Variants in PIDD1 observed in about 807,000 individuals in gnomAD.
PIDD1 encodes p53-induced death domain-containing protein 1.
A neutral mutation model predicts 80.0 loss-of-function variants in PIDD1; 72 were observed. The observed-to-expected ratio is 0.90, with a 90% CI of 0.74 to 1.09. The LOEUF is 1.09. Ranked by LOEUF, PIDD1 falls within the 50% of genes least tolerant of loss-of-function variation. PIDD1 has a pLI of 0.00. For synonymous variants in PIDD1, 655 were observed against 543.5 expected, an observed-to-expected ratio of 1.21 and a Z score of -2.85; for missense variants, 1,329 against 1,228.3, an observed-to-expected ratio of 1.08 and a Z score of -1.23.
intron 15 of PIDD1, 52 bp from the exon 16 acceptor site, chr11:799,617 C>T: frequency 2.0e-6 from 3 of 1,528,526 alleles, no homozygotes; most frequent in Non-Finnish European, 2.6e-6. Flanking sequence ...GCCCAGGACC[C>T]CCCACCACAC....
Position 801,632 on chromosome 11 carries a change from G to GA in PIDD1, c.1303-9_1303-8insT. On this transcript the variant is annotated splice_polypyrimidine_tract_variant and intron_variant, in intron 7 of 15. Transcript: ENST00000347755. ...GCAGTGAGCCCAGAGCCGCTGGGAT[G>GA]GGGGAGAGAGGAGGTCACAGGAGCC... is the stretch of plus-strand genomic sequence containing the variant. 1 of 1,439,462 alleles carries GA rather than the reference G, an allele frequency of 6.9e-7. No individual in the cohort carries two copies. The highest frequency in any genetic ancestry group is 1.2e-5 in the South Asian group (1 of 81,376). The allele number at this position is 1,439,462 out of a possible 1,614,324, so 89.2% of individuals were successfully genotyped here. A position where few individuals can be genotyped will look rare whatever the true frequency, so the allele number is the denominator to read the frequency against.
intron 3 of PIDD1, 89 bp downstream of exon 3, chr11:803,085 C>T: frequency 2.8e-6 from 3 of 1,080,658 alleles, no homozygotes; most frequent in Non-Finnish European, 2.7e-6. Flanking sequence ...GTGGACCAAG[C>T]CTGTGGGTGC....
At position 799,898 on chromosome 11, in the gene PIDD1, C is replaced by T; in HGVS notation, c.2391G>A (p.Gly797=). ...LTQSNLLSVA[G]RLGLDWPAVA... is the part of the protein sequence containing the mutation. ...CGGCTGGCCAGTCCAGACCCAGACG[C>T]CCAGCCACACTCAGCAGGTTGCTCT... The change falls in exon 15 of 16, where the codon GGG becomes GGA. Residue 797 remains glycine, a synonymous_variant. Coordinates refer to ENST00000347755, the MANE Select transcript of PIDD1 (RefSeq NM_145886.4). The T allele has an allele frequency of 6.2e-7, 1 of 1,612,378 alleles. No individual in the cohort carries two copies. Among genetic ancestry groups the T allele is most frequent in the South Asian group, 1.1e-5 (1 of 91,070 alleles).
rs1865001418 is a variant in PIDD1 at position 799,276 on chromosome 11, A to G, written c.*31T>C. 5 of 1,541,054 alleles carry G rather than the reference A, an allele frequency of 3.2e-6. No homozygotes were observed. The highest frequency in any genetic ancestry group is 4.4e-6 in the Non-Finnish European group (5 of 1,145,262). On this transcript the variant is annotated 3_prime_UTR_variant, in exon 16 of 16. Coordinates refer to ENST00000347755, the MANE Select transcript of PIDD1 (RefSeq NM_145886.4). The stretch of plus-strand genomic sequence containing the variant: ...GGGGGCTCTGCCCATCCACTGGGGA[A>G]TATCTGGGCCAGCCTAAAAGTCTGT...
intron 15 of PIDD1, 88 bp from the exon 16 acceptor site, chr11:799,653 C>A (rs1205028224): frequency 6.8e-7 from 1 of 1,462,902 alleles, no homozygotes; most frequent in African/African-American, 1.4e-5. Flanking sequence ...GGGGGAGTTC[C>A]CGGCTCCTGG....
upstream of PIDD1, chr11:809,342 C>G (rs1865937011): frequency 6.6e-6 from 1 of 152,288 alleles, no homozygotes; most frequent in South Asian, 2.1e-4. Context: ...ACAGGATGCC[C>G]TGACACCGCA....
chr11:803,633 G>A (rs771553135), intron 2 of PIDD1, 46 bp from the exon 3 acceptor site: 44 of 1,560,542 alleles, frequency 2.8e-5, no homozygotes, highest in Non-Finnish European at 3.7e-5. Flanking sequence ...CAGGGTCCGA[G>A]GTCCCAGATC....
chr11:806,582 C>CT (rs367814833), upstream of PIDD1, among the ~76,000 whole-genome samples: 932 of 144,002 alleles, frequency 6.5e-3, 4 homozygotes, highest in Admixed American at 0.013. Context: ...CTGGAGGGAT[C>CT]TTTTTTTTTT....
At position 804,170 on chromosome 11, in the gene PIDD1, C is replaced by T. The variant is rs1262230005; in HGVS notation, c.219G>A (p.Glu73=). The change falls in exon 2 of 16, where the codon GAG becomes GAA. Residue 73 remains glutamate (E), a synonymous_variant. Transcript: ENST00000347755. ...QVEFLRLSTH[E]DPQLLEATLA... is the part of the protein sequence containing the mutation. ...GGGTGGCCTCCAGCAGCTGAGGGTC[C>T]TCGTGAGTGCTCAGACGCAAGAATT... is the stretch of plus-strand genomic sequence containing the variant. 1 of 1,613,370 alleles carries T rather than the reference C, an allele frequency of 6.2e-7. No individual in the cohort carries two copies. Among genetic ancestry groups the T allele is most frequent in the South Asian group, 1.1e-5 (1 of 91,080 alleles).
intron 15 of PIDD1, 71 bp downstream of exon 15, chr11:799,744 A>G: frequency 7.2e-7 from 1 of 1,395,772 alleles, no homozygotes; most frequent in African/African-American, 1.4e-5. Context: ...TTCTGTCAGA[A>G]TCAGGTGGGC....
At position 800,640 on chromosome 11, in the gene PIDD1, C is replaced by T. The variant is rs1211085777; in HGVS notation, c.1944G>A (p.Leu648=). 3 of 1,593,158 alleles carry T rather than the reference C, an allele frequency of 1.9e-6. No individual in the cohort carries two copies. Among genetic ancestry groups the T allele is most frequent in the East Asian group, 4.5e-5 (2 of 44,316 alleles). ...NKVDATLRRL[L]ERYRGPEPSD... ...AGGGCTCGGGGCCCCGGTACCGCTC[C>T]AGCAGCCGCCGAAGGGTGGCGTCCA... is the stretch of plus-strand genomic sequence containing the variant. Residue 648 remains leucine, a synonymous_variant, in exon 12 of 16, where the codon CTG becomes CTA. Coordinates refer to ENST00000347755, the MANE Select transcript of PIDD1 (RefSeq NM_145886.4).
chr11:809,061 C>T (rs1865925111), upstream of PIDD1, among the ~76,000 whole-genome samples: 4 of 152,370 alleles, frequency 2.6e-5, no homozygotes, highest in South Asian at 8.3e-4. Flanking sequence ...CCCTCTGTCC[C>T]TGTCCTTCGG....
Position 804,357 on chromosome 11 carries a change from T to G in PIDD1, c.32A>C (p.Glu11Ala). 1 of 1,606,656 alleles carries G rather than the reference T, an allele frequency of 6.2e-7. No homozygotes were observed. The highest frequency in any genetic ancestry group is 8.5e-7 in the Non-Finnish European group (1 of 1,176,110). Residue 11 changes from glutamate (E) to alanine (A), a missense_variant, in exon 2 of 16, where the codon GAG (glutamate) becomes GCG (alanine). Physicochemically the swap from Glu to Ala is moderately radical, Grantham distance 107. Transcript: ENST00000347755. ...AGCATCTCCTGCGGCAGCAGCTGCCTCCAGCTCTGGCCCCTCCACCGTTGC... is the reference window on the plus strand; with the variant it reads ...AGCATCTCCTGCGGCAGCAGCTGCCGCCAGCTCTGGCCCCTCCACCGTTGC... The part of the protein sequence containing the change: MAATVEGPEL[E>A]AAAAAGDASE...
rs867673867 is a variant in PIDD1 at position 802,577 on chromosome 11, T to C, written c.940A>G (p.Met314Val). ...SSPVAALIPE[M>V]PRLFLTSDLD... is the part of the protein sequence containing the mutation. Reference sequence around the variant, plus strand: ...TCTGAGGTCAGGAACAGTCTGGGCATTTCTGGAATGAGGGCTGCCACTGTG... The same window carrying C: ...TCTGAGGTCAGGAACAGTCTGGGCACTTCTGGAATGAGGGCTGCCACTGTG... Residue 314 changes from methionine to valine, a missense_variant, in exon 5 of 16, where the codon ATG becomes GTG. By Grantham distance (21) the Met-to-Val change is conservative. Coordinates refer to ENST00000347755, the MANE Select transcript of PIDD1 (RefSeq NM_145886.4). The C allele has an allele frequency of 1.9e-6, 3 of 1,613,352 alleles. No homozygotes were observed. The South Asian group carries it at 3.3e-5, about 18-fold the overall frequency.
upstream of PIDD1, among the ~76,000 whole-genome samples, chr11:807,975 G>C (rs1347589808): frequency 6.6e-6 from 1 of 152,120 alleles, no homozygotes; most frequent in African/African-American, 2.4e-5. Flanking sequence ...AATGAAAAAA[G>C]CCAGACACAA....
At chr11:806,466 CCTT>C (rs1865777508), upstream of PIDD1, among the ~76,000 whole-genome samples, 1 of 152,218 alleles carries the variant, frequency 6.6e-6, no homozygotes, top group Admixed American at 6.5e-5. Context: ...ATCGGCGGCT[CCTT>C]CTTCCTTCCA....
At chr11:809,011 T>G (rs960172322), upstream of PIDD1, among the ~76,000 whole-genome samples, 84 of 152,334 alleles carry the variant, frequency 5.5e-4, no homozygotes, top group South Asian at 4.4e-3. Flanking sequence ...TTCTCATCTC[T>G]CAGCTCAAGC....
upstream of PIDD1, chr11:806,032 G>A (rs2133819992): frequency 6.6e-6 from 1 of 151,752 alleles, no homozygotes; most frequent in African/African-American, 2.4e-5. Flanking sequence ...CCGGGAGGCG[G>A]AGGTTGTAGT....
rs966058868 is a variant in PIDD1 at position 803,402 on chromosome 11, A to C, written c.481T>G (p.Ser161Ala). The change falls in exon 3 of 16, where the codon TCT (serine) becomes GCT (alanine). Residue 161 changes from serine (S) to alanine (A), a missense_variant. Ser to Ala is a moderately conservative substitution (Grantham distance 99, BLOSUM62 1). Transcript: ENST00000347755. ...GCCCCCAGAGCCTCAGGCAGCTCAG[A>C]GAGGCAGTTGTGAGACAGCAAGAGC... ...GALLLSHNCL[S>A]ELPEALGALP... 3.1e-6 allele frequency: 5 copies of C among 1,613,798 alleles called. No individual in the cohort carries two copies. Among genetic ancestry groups the C allele is most frequent in the Non-Finnish European group, 4.2e-6 (5 of 1,179,974 alleles).
Sources: gnomAD v4.1 joint callset for allele counts (sites outside exome capture counted in the v4.1 genomes callset) on GRCh38, gnomAD v4.1.1 for gene constraint, MANE v1.5 for transcripts, NCBI Gene and HGNC (gene_info 2026-07-23, HGNC 2026-07-21) for gene names.